CHD7: variants seen among roughly 807,000 people sequenced by gnomAD.
CHD7 encodes the protein chromodomain helicase DNA binding protein 7.
Under a neutral mutation model 307.3 loss-of-function variants are expected in CHD7, and 24 were observed. The observed-to-expected ratio is 0.08, with a 90% confidence interval of 0.06 to 0.11. The LOEUF is 0.11. CHD7 is among the 10% of genes least tolerant of loss of function. The pLI is 1.00. For synonymous variants in CHD7, 1,363 were observed against 1,349.9 expected (o/e 1.01, Z -0.21); for missense variants, 3,106 against 3,727.1 (o/e 0.83, Z 4.34).
At chr8:60,756,880 T>C (rs552626953) in intron 2 of CHD7, among the ~76,000 whole-genome samples, 6 of 152,356 alleles carry the variant, frequency 3.9e-5, no homozygotes, top group African/African-American at 1.4e-4. Flanking sequence ...TTAAATGCCA[T>C]TGAAGTGCTC....
chr8:60,703,763 A>T (rs180756271), intron 1 of CHD7, among the ~76,000 whole-genome samples: 2 of 152,120 alleles, frequency 1.3e-5, no homozygotes, highest in Non-Finnish European at 2.9e-5. Context: ...CCTTCCCTCT[A>T]TTGAGCCAGC....
At chr8:60,722,858 C>T (rs1002576767) in intron 1 of CHD7, among the ~76,000 whole-genome samples, 2 of 152,140 alleles carry the variant, frequency 1.3e-5, no homozygotes, top group African/African-American at 4.8e-5. Context: ...TTTTGCATAG[C>T]CTTCTCAGAT....
chr8:60,763,062 T>C (rs1388811686), intron 2 of CHD7, among the ~76,000 whole-genome samples: 2 of 152,056 alleles, frequency 1.3e-5, no homozygotes, highest in African/African-American at 4.8e-5. Flanking sequence ...ATGGGAGTCA[T>C]GCTGGGCAGG....
At chr8:60,750,514 ACGC>A (rs1809587405) in intron 2 of CHD7, among the ~76,000 whole-genome samples, 1 of 152,234 alleles carries the variant, frequency 6.6e-6, no homozygotes, top group African/African-American at 2.4e-5. Context: ...TACAAATACA[ACGC>A]ATTTATGTTG....
At chr8:60,748,570 A>G (rs1191435593) in intron 2 of CHD7, among the ~76,000 whole-genome samples, 1 of 152,206 alleles carries the variant, frequency 6.6e-6, no homozygotes, top group Non-Finnish European at 1.5e-5. Flanking sequence ...GATGAGAACA[A>G]TCTGCAAGGA....
Position 60,852,678 on chromosome 8 carries a change from A to T in CHD7, c.6075A>T (p.Val2025=). ...FSCFVAMCRR[V]CRMPVKPDDE... ...GTTTTGTGGCCATGTGTAGGCGAGT[A>T]TGTCGAATGCCCGTCAAGCCAGATG... Residue 2025 remains valine (V), a synonymous_variant, in exon 30 of 38, where the codon GTA becomes GTT. Coordinates refer to ENST00000423902, the MANE Select transcript of CHD7 (RefSeq NM_017780.4). 6.2e-7 allele frequency: 1 copy of T among 1,613,984 alleles called. No homozygotes were observed. Among genetic ancestry groups the T allele is most frequent in the Non-Finnish European group, 8.5e-7 (1 of 1,179,892 alleles).
Position 60,852,581 on chromosome 8 carries a change from A to T in CHD7, c.5978A>T (p.Asp1993Val), listed in dbSNP as rs1393186449. 6.2e-7 allele frequency: 1 copy of T among 1,613,900 alleles called. No homozygotes were observed. Among genetic ancestry groups the T allele is most frequent in the Admixed American group, 1.7e-5 (1 of 60,010 alleles). The part of the protein sequence containing the change: ...VIFDPVKQQF[D>V]WNQFRAFARL... ...TTTGACCCTGTGAAACAGCAATTTG[A>T]CTGGAACCAATTTAGAGCCTTTGCC... Residue 1993 changes from aspartate to valine, a missense_variant, in exon 30 of 38, where the codon GAC becomes GTC. This residue lies in a region of CHD7 where 1,030 missense variants were observed against 1,165.4 expected (regional missense o/e 0.88). Coordinates refer to ENST00000423902, the MANE Select transcript of CHD7 (RefSeq NM_017780.4).
rs1563661076 is a variant in CHD7 at position 60,853,248 on chromosome 8, G to A, written c.6523G>A (p.Val2175Met). 2 of 1,613,624 alleles carry A rather than the reference G, an allele frequency of 1.2e-6. No homozygotes were observed. Among genetic ancestry groups the A allele is most frequent in the East Asian group, 4.5e-5 (2 of 44,878 alleles). ...ERVLEQAEGK[V>M]EEPENPAAKE... ...GGTACTGGAACAAGCCGAAGGCAAAGTGGAGGAGCCTGAAAACCCAGCTGC... is the reference window on the plus strand; with the variant it reads ...GGTACTGGAACAAGCCGAAGGCAAAATGGAGGAGCCTGAAAACCCAGCTGC... Residue 2175 changes from valine to methionine, a missense_variant, in exon 31 of 38, where the codon GTG becomes ATG. Val to Met is a conservative substitution (Grantham distance 21, BLOSUM62 1). Around this residue, in one of 10 missense-constraint regions of CHD7, gnomAD observed 1,030 missense variants for 1,165.4 expected, o/e 0.88. Coordinates refer to ENST00000423902, the MANE Select transcript of CHD7 (RefSeq NM_017780.4).
Position 60,821,873 on chromosome 8 carries a change from A to G in CHD7, c.2781A>G (p.Ala927=). ...TWERRQDIDQ[A]KIEEFEKLMS... Reference sequence around the variant, plus strand: ...AGCGGAGGCAGGACATAGATCAAGCAAAGATCGAGGAGTTTGAGAAACTAA... The same window carrying G: ...AGCGGAGGCAGGACATAGATCAAGCGAAGATCGAGGAGTTTGAGAAACTAA... The change falls in exon 10 of 38, where the codon GCA becomes GCG. Residue 927 remains alanine (A), a synonymous_variant. Transcript: ENST00000423902. 6.2e-7 allele frequency: 1 copy of G among 1,608,928 alleles called. No homozygotes were observed. Among genetic ancestry groups the G allele is most frequent in the Middle Eastern group, 1.7e-4 (1 of 6,058 alleles).
intron 2 of CHD7, among the ~76,000 whole-genome samples, chr8:60,754,299 C>G (rs932136620): frequency 2.0e-5 from 3 of 152,198 alleles, no homozygotes; most frequent in African/African-American, 7.2e-5. Context: ...CTTAACTTCC[C>G]TAAACCTCAG....
chr8:60,703,681 G>T (rs918939791), intron 1 of CHD7, among the ~76,000 whole-genome samples: 1 of 152,108 alleles, frequency 6.6e-6, no homozygotes, highest in African/African-American at 2.4e-5. Flanking sequence ...GGACTGTCCC[G>T]CCAACAAACA....
chr8:60,831,592 G>C (rs549639945), intron 15 of CHD7, among the ~76,000 whole-genome samples: 4 of 151,906 alleles, frequency 2.6e-5, no homozygotes, highest in Admixed American at 2.6e-4. Flanking sequence ...ATATGATTCA[G>C]GGTGATGCGT....
chr8:60,838,968 A>G (rs1804854849), intron 19 of CHD7, among the ~76,000 whole-genome samples: 1 of 152,266 alleles, frequency 6.6e-6, no homozygotes. Flanking sequence ...TCTTTCGTGT[A>G]CAATTCAATG....
At chr8:60,685,057 G>C (rs994122510) in intron 1 of CHD7, among the ~76,000 whole-genome samples, 3 of 152,174 alleles carry the variant, frequency 2.0e-5, no homozygotes, top group Non-Finnish European at 4.4e-5. Flanking sequence ...CTGCTTGGCT[G>C]GTTGGCTACT....
At chr8:60,785,178 A>T (rs528062835) in intron 3 of CHD7, among the ~76,000 whole-genome samples, 18 of 152,276 alleles carry the variant, frequency 1.2e-4, no homozygotes, top group African/African-American at 3.6e-4. Flanking sequence ...CTCTTGAAGG[A>T]TTTAATGGTC....
chr8:60,727,075 C>T (rs1423113001), intron 1 of CHD7, among the ~76,000 whole-genome samples: 2 of 152,162 alleles, frequency 1.3e-5, no homozygotes, highest in South Asian at 2.1e-4. Flanking sequence ...TGTACTTATG[C>T]TCCTAATAGC....
chr8:60,798,557 G>A (rs1274275594), intron 4 of CHD7, among the ~76,000 whole-genome samples: 1 of 152,194 alleles, frequency 6.6e-6, no homozygotes, highest in Non-Finnish European at 1.5e-5. Context: ...TACTGGGATT[G>A]TGTTCATCCT....
At chr8:60,773,613 C>T (rs1028344237) in intron 2 of CHD7, among the ~76,000 whole-genome samples, 29 of 152,062 alleles carry the variant, frequency 1.9e-4, no homozygotes, top group African/African-American at 5.1e-4. Flanking sequence ...ACAAAGATGG[C>T]GAAAACTGGC....
At chr8:60,720,487 A>C (rs1807843661) in intron 1 of CHD7, among the ~76,000 whole-genome samples, 1 of 152,022 alleles carries the variant, frequency 6.6e-6, no homozygotes, top group South Asian at 2.1e-4. Context: ...CCTTTCTTTT[A>C]TTACCAGTGA....
Sources: gnomAD v4.1 joint callset for allele counts (sites outside exome capture counted in the v4.1 genomes callset) on GRCh38, gnomAD v4.1.1 for gene constraint, gnomAD v4.1.1 regional missense constraint, MANE v1.5 for transcripts, NCBI Gene and HGNC (gene_info 2026-07-23, HGNC 2026-07-21) for gene names.